The following LRMDA variants were observed in gnomAD, a reference collection of about 807,000 sequenced individuals.
LRMDA encodes the protein leucine-rich melanocyte differentiation-associated protein.
Under a neutral mutation model 29.8 loss-of-function variants are expected in LRMDA, and 18 were observed. The ratio of observed to expected loss-of-function variants is 0.60; its 90% confidence interval spans 0.42 to 0.90. The LOEUF is 0.90. Ranked by LOEUF, LRMDA falls within the 40% of genes least tolerant of loss-of-function variation. The pLI is 0.00. For synonymous variants in LRMDA, 125 were observed against 109.4 expected, an observed-to-expected ratio of 1.14 and a Z score of -0.89; for missense variants, 273 against 273.9, an observed-to-expected ratio of 1.00 and a Z score of 0.02.
intron 2 of LRMDA, among the ~76,000 whole-genome samples, chr10:75,882,958 A>G (rs530527284): frequency 2.0e-5 from 3 of 152,200 alleles, no homozygotes; most frequent in Non-Finnish European, 4.4e-5. Flanking sequence ...CCGCACTTTC[A>G]TTAAGCGTAA....
chr10:75,539,742 G>T (rs544458446), intron 2 of LRMDA, among the ~76,000 whole-genome samples: 1 of 152,032 alleles, frequency 6.6e-6, no homozygotes, highest in Non-Finnish European at 1.5e-5. Context: ...ATAAATGGCT[G>T]TTTTTTTGTT....
intron 2 of LRMDA, among the ~76,000 whole-genome samples, chr10:75,834,884 C>T (rs759047073): frequency 1.3e-5 from 2 of 152,186 alleles, no homozygotes; most frequent in South Asian, 2.1e-4. Context: ...TCTTCACCAG[C>T]GGAGTCATTC....
chr10:76,443,521 T>A (rs956464977), intron 6 of LRMDA, among the ~76,000 whole-genome samples: 2 of 152,188 alleles, frequency 1.3e-5, no homozygotes. Flanking sequence ...ATGATATTTG[T>A]AGTAGCTAGT....
At chr10:75,772,860 G>GGGGTGGGAT (rs1843260334) in intron 2 of LRMDA, among the ~76,000 whole-genome samples, 1 of 103,108 alleles carries the variant, frequency 9.7e-6, no homozygotes, top group Non-Finnish European at 2.2e-5. Context: ...TTTTTTGGGG[G>GGGGTGGGAT]GGGTGGGATG....
At chr10:75,777,312 T>A (rs1466486152) in intron 2 of LRMDA, among the ~76,000 whole-genome samples, 1 of 152,218 alleles carries the variant, frequency 6.6e-6, no homozygotes, top group East Asian at 1.9e-4. Context: ...CTCCCAGAGC[T>A]GTGTGTCTCT....
intron 2 of LRMDA, among the ~76,000 whole-genome samples, chr10:76,028,371 C>T (rs1848095464): frequency 6.6e-6 from 1 of 152,098 alleles, no homozygotes; most frequent in Non-Finnish European, 1.5e-5. Flanking sequence ...AAATCTTAGA[C>T]TGTTAGAAGG....
chr10:76,545,554 TC>T (rs1843409992), intron 6 of LRMDA, among the ~76,000 whole-genome samples: 1 of 151,932 alleles, frequency 6.6e-6, no homozygotes, highest in Admixed American at 6.6e-5. Context: ...ACTGTTTTCT[TC>T]TTTTTTCCTG....
chr10:76,272,546 G>A (rs978226784), intron 5 of LRMDA, among the ~76,000 whole-genome samples: 15 of 152,124 alleles, frequency 9.9e-5, no homozygotes, highest in Admixed American at 8.5e-4. Flanking sequence ...TTAGCATGAG[G>A]GCTTTGAGAT....
chr10:76,106,382 A>T (rs1849484724), intron 5 of LRMDA, among the ~76,000 whole-genome samples: 1 of 152,188 alleles, frequency 6.6e-6, no homozygotes, highest in Non-Finnish European at 1.5e-5. Context: ...TTTCACTGTA[A>T]ACCTATCAAT....
intron 2 of LRMDA, among the ~76,000 whole-genome samples, chr10:75,817,207 G>A (rs1458773011): frequency 6.6e-6 from 1 of 152,206 alleles, no homozygotes; most frequent in African/African-American, 2.4e-5. Flanking sequence ...TGCTGCGGAG[G>A]GGCATGTGAG....
intron 5 of LRMDA, among the ~76,000 whole-genome samples, chr10:76,150,541 G>A (rs555854433): frequency 3.3e-5 from 5 of 152,240 alleles, no homozygotes; most frequent in African/African-American, 9.6e-5. Context: ...AAAACACTAC[G>A]GCTGTCATAA....
chr10:75,560,880 A>C (rs1840284960), intron 2 of LRMDA, among the ~76,000 whole-genome samples: 1 of 152,126 alleles, frequency 6.6e-6, no homozygotes, highest in Non-Finnish European at 1.5e-5. Flanking sequence ...CCCAGGGATG[A>C]AGCCCACTTG....
In LRMDA at chr10:76,215,923, G is replaced by A. The variant is rs901467971; in HGVS notation, c.517-108478G>A. Among the ~76,000 whole-genome samples, 10 of 152,292 alleles carry A rather than the reference G, an allele frequency of 6.6e-5. 1 individual carries two copies. In the Middle Eastern group the frequency reaches 0.01, roughly 155 times the overall value. On this transcript the variant is annotated intron_variant, in intron 5 of 6. Transcript: ENST00000611255. ...AAAGAGGATGACACAATAACAATAT[G>A]ACTTGCATAAATTTAAAATGTACAA...
intron 2 of LRMDA, among the ~76,000 whole-genome samples, chr10:75,726,145 G>GGAA (rs1842628517): frequency 6.6e-6 from 1 of 152,190 alleles, no homozygotes; most frequent in Non-Finnish European, 1.5e-5. Flanking sequence ...CCCTGTATGT[G>GGAA]GAAGGCATGG....
chr10:76,477,989 C>T (rs1314229313), intron 6 of LRMDA, among the ~76,000 whole-genome samples: 14 of 152,010 alleles, frequency 9.2e-5, no homozygotes, highest in South Asian at 4.1e-4. Context: ...GACATAGGCA[C>T]GGGCAAGGAC....
Position 75,431,684 on chromosome 10 carries a change from C to T in LRMDA, c.-41C>T, listed in dbSNP as rs1396469043. 1.6e-6 allele frequency: 2 copies of T among 1,272,532 alleles called. No homozygotes were observed. The highest frequency in any genetic ancestry group is 2.0e-6 in the Non-Finnish European group (2 of 1,015,930). 78.8% of individuals were successfully genotyped at this position (1,272,532 alleles called of 1,614,324 possible). A position where few individuals can be genotyped will look rare whatever the true frequency, so the allele number is the denominator to read the frequency against. Reference sequence around the variant, plus strand: ...GCGCTCCCCGCTGCTGCCGCCGCGCCCCCGCGCTCCGTCCCGCGCGCCCGC... The same window carrying T: ...GCGCTCCCCGCTGCTGCCGCCGCGCTCCCGCGCTCCGTCCCGCGCGCCCGC... On this transcript the variant is annotated 5_prime_UTR_variant, in exon 1 of 7. Coordinates refer to ENST00000611255, the MANE Select transcript of LRMDA (RefSeq NM_001305581.2).
intron 2 of LRMDA, among the ~76,000 whole-genome samples, chr10:75,794,181 A>G (rs1056902166): frequency 2.6e-5 from 4 of 152,218 alleles, no homozygotes; most frequent in Admixed American, 1.3e-4. Context: ...TACAGGTAAA[A>G]TTTACATAGA....
rs532198653 is a variant in LRMDA, at chr10:75,757,111, A to G, written c.132-278897A>G. The stretch of plus-strand genomic sequence containing the variant: ...CACCTGTGGTGAAGAGACAGCCACA[A>G]TGGGGAATTGGTTTCAAAGACAGAA... On this transcript the variant is annotated intron_variant, in intron 2 of 6. Transcript: ENST00000611255. Among the ~76,000 whole-genome samples the G allele has an allele frequency of 3.5e-4, 53 of 152,340 alleles. 1 individual carries two copies. Among genetic ancestry groups the G allele is most frequent in the African/African-American group, 2.9e-4 (12 of 41,584 alleles).
chr10:75,569,874 A>T (rs1840417128), intron 2 of LRMDA, among the ~76,000 whole-genome samples: 1 of 152,202 alleles, frequency 6.6e-6, no homozygotes, highest in Non-Finnish European at 1.5e-5. Context: ...GTCTTTGCTG[A>T]TGGGATAGTT....
Sources: allele counts gnomAD v4.1 joint callset (sites outside exome capture counted in the v4.1 genomes callset), GRCh38; gene constraint gnomAD v4.1.1; transcripts MANE v1.5; gene names NCBI Gene and HGNC (gene_info 2026-07-23, HGNC 2026-07-21).